The following C3orf52 variants were observed in gnomAD, a reference collection of about 807,000 sequenced individuals.
The protein encoded by C3orf52 is TPA-induced transmembrane protein.
In C3orf52, 22 loss-of-function variants were observed where a neutral mutation model predicts 24.8. The observed-to-expected ratio is 0.89, with a 90% CI of 0.63 to 1.27. C3orf52 has a LOEUF of 1.27. Among genes scored for constraint, C3orf52 ranks in the 50% most tolerant of loss-of-function variants. The pLI is 0.00. For synonymous variants in C3orf52, 93 were observed against 100.2 expected (o/e 0.93, Z 0.43); for missense variants, 265 against 260.7 (o/e 1.02, Z -0.11).
chr3:112,124,129 C>T (rs1315651463), intron 4 of C3orf52, among the ~76,000 whole-genome samples: 1 of 152,200 alleles, frequency 6.6e-6, no homozygotes, highest in Non-Finnish European at 1.5e-5. Flanking sequence ...GCAGATTTCT[C>T]ATGAATGGCT....
intron 2 of C3orf52, among the ~76,000 whole-genome samples, chr3:112,102,425 C>T (rs1168445551): frequency 6.7e-6 from 1 of 148,344 alleles, no homozygotes; most frequent in Non-Finnish European, 1.5e-5. Flanking sequence ...AATTCATTGA[C>T]CTGAACAATT....
chr3:112,131,295 GCT>G (rs1210114814), downstream of C3orf52, among the ~76,000 whole-genome samples: 1,145 of 152,218 alleles, frequency 7.5e-3, 15 homozygotes, highest in African/African-American at 0.025. Context: ...CTGAGACTGA[GCT>G]CCTCTCATGA....
intron 5 of C3orf52, among the ~76,000 whole-genome samples, chr3:112,114,096 C>T (rs1439722633): frequency 6.6e-6 from 1 of 152,142 alleles, no homozygotes; most frequent in Non-Finnish European, 1.5e-5. Context: ...CATTAACGGT[C>T]TAGAATCAGA....
At chr3:112,109,844 G>A (rs2074061147) in intron 4 of C3orf52, 1 of 405,250 alleles carries the variant, frequency 2.5e-6, no homozygotes, top group Non-Finnish European at 4.5e-6. Flanking sequence ...ATTCAACCAG[G>A]GTCACACAGA....
Position 112,117,136 on chromosome 3 carries a change from AG to A in C3orf52, c.*492del. 1 of 568,410 alleles carries A rather than the reference AG, an allele frequency of 1.8e-6. No individual in the cohort carries two copies. The highest frequency in any genetic ancestry group is 3.1e-5 in the Admixed American group (1 of 32,350). 35.2% of individuals were successfully genotyped at this position (568,410 alleles called of 1,614,324 possible). On this transcript the variant is annotated 3_prime_UTR_variant, in exon 6 of 6. Coordinates refer to ENST00000264848, the MANE Select transcript of C3orf52 (RefSeq NM_024616.3). Reference sequence around the variant, plus strand: ...AAGCATGAGCTGGTAGAGCACGGAGAGGCAGGCAGCCAGGTTACGAAGACTA... The same window carrying A: ...AAGCATGAGCTGGTAGAGCACGGAGAGCAGGCAGCCAGGTTACGAAGACTA...
intron 4 of C3orf52, chr3:112,125,085 C>T: frequency 1.5e-6 from 1 of 675,530 alleles, no homozygotes; most frequent in African/African-American, 1.8e-5. Flanking sequence ...CACCTGCCAC[C>T]CGAGTTCACA....
chr3:112,097,833 C>T (rs936436789), intron 2 of C3orf52, among the ~76,000 whole-genome samples: 1 of 152,200 alleles, frequency 6.6e-6, no homozygotes, highest in African/African-American at 2.4e-5. Context: ...TCCTCTGACC[C>T]AGAGATCTTC....
downstream of C3orf52, among the ~76,000 whole-genome samples, chr3:112,119,076 T>C (rs931621818): frequency 5.3e-5 from 8 of 151,986 alleles, no homozygotes; most frequent in Non-Finnish European, 1.0e-4. Context: ...CAGAAAAAAA[T>C]ACCCAGGGGT....
rs141964761 is a variant in C3orf52, at chr3:112,123,528, C to A, written c.*46+3966C>A. On this transcript the variant is annotated intron_variant, in intron 4 of 4. Coordinates refer to the C3orf52 transcript ENST00000480282. ...CTGTTGCAGAAAGTGAGAGGAGATT[C>A]TGTGAGGCATGAGAAGTTCATATTC... 138 of 1,614,148 alleles carry A rather than the reference C, an allele frequency of 8.5e-5. No homozygotes were observed. The African/African-American group carries it at 1.7e-3, about 19-fold the overall frequency.
intron 4 of C3orf52, chr3:112,123,307 C>G (rs1263916292): frequency 9.9e-6 from 14 of 1,418,474 alleles, no homozygotes; most frequent in Middle Eastern, 2.6e-4. Flanking sequence ...GCTAAGAGGG[C>G]TTGTGGTATA....
At chr3:112,130,437 G>A (rs1180738757), downstream of C3orf52, 1 of 1,612,592 alleles carries the variant, frequency 6.2e-7, no homozygotes, top group Admixed American at 1.7e-5. Context: ...GGTTGATTTT[G>A]CTCTCACCTG....
chr3:112,132,933 T>C, downstream of C3orf52: 1 of 679,050 alleles, frequency 1.5e-6, no homozygotes, highest in Non-Finnish European at 2.5e-6. Context: ...TAATGTGGTA[T>C]CTGGCACAGA....
At chr3:112,113,784 T>C (rs2074109129) in intron 5 of C3orf52, among the ~76,000 whole-genome samples, 1 of 152,244 alleles carries the variant, frequency 6.6e-6, no homozygotes. Flanking sequence ...CTGAGAACTT[T>C]TGACACTCAG....
At chr3:112,132,258 C>T (rs1172363660), downstream of C3orf52, among the ~76,000 whole-genome samples, 1 of 152,076 alleles carries the variant, frequency 6.6e-6, no homozygotes, top group African/African-American at 2.4e-5. Flanking sequence ...AAGTGGGCTA[C>T]CATTTTTTCC....
chr3:112,136,304 C>G, the C3orf52 span, among the ~76,000 whole-genome samples: 18 of 152,174 alleles, frequency 1.2e-4, no homozygotes, highest in African/African-American at 4.1e-4. Context: ...TTTTAGTAAT[C>G]TCTTTAGGGG....
chr3:112,132,749 G>A (rs1181610005), downstream of C3orf52: 18 of 691,798 alleles, frequency 2.6e-5, no homozygotes, highest in Non-Finnish European at 3.2e-5. Context: ...CCTCCTTGTG[G>A]AGCATGAGGA....
chr3:112,087,009 G>GC (rs1270944052), intron 1 of C3orf52, among the ~76,000 whole-genome samples: 1 of 151,918 alleles, frequency 6.6e-6, no homozygotes, highest in African/African-American at 2.4e-5. Context: ...CCTCGCCGCA[G>GC]CCCCCAGCCT....
intron 3 of C3orf52, among the ~76,000 whole-genome samples, chr3:112,107,039 A>G (rs576028279): frequency 6.6e-6 from 1 of 152,312 alleles, no homozygotes; most frequent in Admixed American, 6.5e-5. Flanking sequence ...CAGCTCCCCA[A>G]ATGTAAATAT....
the C3orf52 span, among the ~76,000 whole-genome samples, chr3:112,136,182 C>T: frequency 6.6e-6 from 1 of 152,164 alleles, no homozygotes; most frequent in African/African-American, 2.4e-5. Context: ...CGCTATGTGA[C>T]AAATGGTGCT....
Sources: gnomAD v4.1 joint callset for allele counts (sites outside exome capture counted in the v4.1 genomes callset) on GRCh38, gnomAD v4.1.1 for gene constraint, MANE v1.5 for transcripts, NCBI Gene and HGNC (gene_info 2026-07-23, HGNC 2026-07-21) for gene names.